HMGCS1: variants seen among roughly 807,000 people sequenced by gnomAD.
HMGCS1 encodes hydroxymethylglutaryl-CoA synthase, cytoplasmic.
Under a neutral mutation model 52.3 loss-of-function variants are expected in HMGCS1, and 9 were observed. That is an observed-to-expected ratio of 0.17 (90% CI 0.10 to 0.30). HMGCS1 has a LOEUF of 0.30. Ranked by LOEUF, HMGCS1 falls within the 10% of genes least tolerant of loss-of-function variation. HMGCS1 has a pLI of 1.00. For synonymous variants in HMGCS1, 176 were observed against 214.4 expected (o/e 0.82, Z 1.57); for missense variants, 320 against 620.9 (o/e 0.52, Z 5.15).
intron 1 of HMGCS1, among the ~76,000 whole-genome samples, chr5:43,309,782 A>C (rs150621443): frequency 3.1e-3 from 468 of 152,370 alleles, no homozygotes; most frequent in Middle Eastern, 0.01. Flanking sequence ...ATGAATGGCA[A>C]GTAGCCAGGC....
At chr5:43,306,353 CTAACCT>C (rs1754576398) in intron 2 of HMGCS1, among the ~76,000 whole-genome samples, 1 of 152,188 alleles carries the variant, frequency 6.6e-6, no homozygotes. Flanking sequence ...AAGGGAAGTC[CTAACCT>C]AGCTCCTCAA....
At chr5:43,292,383 T>C (rs1753818696) in intron 10 of HMGCS1, 91 bp downstream of exon 10, 1 of 1,045,192 alleles carries the variant, frequency 9.6e-7, no homozygotes, top group Non-Finnish European at 1.4e-6. Flanking sequence ...CCAGAGCCCT[T>C]ACTCTTCTTT....
chr5:43,306,063 C>T lies in HMGCS1; in HGVS notation c.-11+1703G>A, dbSNP rs144793791. Among the ~76,000 whole-genome samples the T allele has an allele frequency of 2.3e-3, 355 of 152,174 alleles. 3 individuals are homozygous for T. The Middle Eastern group carries it at 0.038, about 16-fold the overall frequency. ...GCAACTTTCAGAGAACTTTGTAAAC[C>T]TTTCAAGTCTTCCAACAAAGTAGTA... On this transcript the variant is annotated intron_variant, in intron 2 of 10. Coordinates refer to ENST00000325110, the MANE Select transcript of HMGCS1 (RefSeq NM_001098272.3).
In HMGCS1 at chr5:43,307,778, T is replaced by C. The variant is rs1754652483; in HGVS notation, c.-23A>G. 3 of 152,358 alleles carry C rather than the reference T, an allele frequency of 2.0e-5. No individual in the cohort carries two copies. Among genetic ancestry groups the C allele is most frequent in the East Asian group, 3.9e-4 (2 of 5,180 alleles). 9.4% of individuals were successfully genotyped at this position (152,358 alleles called of 1,614,324 possible). On this transcript the variant is annotated 5_prime_UTR_variant, in exon 2 of 11. Transcript: ENST00000325110. The stretch of plus-strand genomic sequence containing the variant: ...CAGGATGTCATACCTGTGTGAAGGA[T>C]AGAGAACTGCAGTCTCCAGGTCTGT...
intron 4 of HMGCS1, among the ~76,000 whole-genome samples, chr5:43,297,402 C>G (rs1205144328): frequency 3.3e-5 from 5 of 152,334 alleles, no homozygotes; most frequent in African/African-American, 9.6e-5. Flanking sequence ...ATAACTCTAA[C>G]AGTTCACAGT....
chr5:43,304,435 C>G (rs1355060496), intron 2 of HMGCS1, among the ~76,000 whole-genome samples: 1 of 152,208 alleles, frequency 6.6e-6, no homozygotes, highest in Non-Finnish European at 1.5e-5. Flanking sequence ...AATAAATTCA[C>G]TTTAGTCTTT....
intron 1 of HMGCS1, among the ~76,000 whole-genome samples, chr5:43,309,912 T>A (rs925292116): frequency 6.6e-6 from 1 of 152,212 alleles, no homozygotes; most frequent in Non-Finnish European, 1.5e-5. Context: ...TATGCAATGG[T>A]AGTTTCTTCT....
intron 2 of HMGCS1, among the ~76,000 whole-genome samples, chr5:43,305,528 G>C (rs1158609346): frequency 6.6e-6 from 1 of 151,940 alleles, no homozygotes; most frequent in Admixed American, 6.5e-5. Flanking sequence ...CCAGCACTTT[G>C]GGAGGCCGAG....
At position 43,298,373 on chromosome 5, in the gene HMGCS1, A is replaced by T. The variant is rs1282385076; in HGVS notation, c.448+145T>A. On this transcript the variant is annotated intron_variant, in intron 3 of 10. Transcript: ENST00000325110. This position sits in a 1 kb window ranked among gnomAD's most constrained non-coding sequence, Gnocchi z 5.6. ...ACCAATTCACAATTCGGATAATGAC[A>T]GACAGGTAAAATATCTTTCTTAATA... 1 of 684,458 alleles carries T rather than the reference A, an allele frequency of 1.5e-6. No individual in the cohort carries two copies. Among genetic ancestry groups the T allele is most frequent in the Non-Finnish European group, 2.4e-6 (1 of 411,632 alleles). The allele number at this position is 684,458 out of a possible 1,614,324, so 42.4% of individuals were successfully genotyped here.
At chr5:43,305,840 T>G (rs1754546139) in intron 2 of HMGCS1, among the ~76,000 whole-genome samples, 1 of 151,118 alleles carries the variant, frequency 6.6e-6, no homozygotes, top group South Asian at 2.1e-4. Flanking sequence ...ACAAAAACTT[T>G]CAAGTAGAAC....
intron 2 of HMGCS1, 132 bp from the exon 3 acceptor site, chr5:43,299,107 A>T (rs1482828689): frequency 1.6e-6 from 1 of 632,800 alleles, no homozygotes; most frequent in Non-Finnish European, 2.7e-6. Flanking sequence ...TTTAGTATTT[A>T]GGGCACTCAA....
intron 2 of HMGCS1, among the ~76,000 whole-genome samples, chr5:43,305,781 CAA>C (rs58264994): frequency 2.1e-3 from 179 of 86,790 alleles, no homozygotes; most frequent in Middle Eastern, 4.9e-3. Context: ...GACTCCGTCT[CAA>C]AAAAAAAAAA....
In HMGCS1 at chr5:43,288,025, T is replaced by G. The variant is rs1753573962; in HGVS notation, c.*3106A>C. The G allele has an allele frequency of 6.6e-6, 1 of 152,224 alleles. No homozygotes were observed. Among genetic ancestry groups the G allele is most frequent in the South Asian group, 2.1e-4 (1 of 4,834 alleles). The allele number at this position is 152,224 out of a possible 1,614,324, so 9.4% of individuals were successfully genotyped here. A position where few individuals can be genotyped will look rare whatever the true frequency, so the allele number is the denominator to read the frequency against. ...AGAGTGGGTGAAGACATACTAAGCC[T>G]TGGTGAGTATGGTACTGAGTTGAAG... On this transcript the variant is annotated 3_prime_UTR_variant, in exon 11 of 11. Coordinates refer to ENST00000325110, the MANE Select transcript of HMGCS1 (RefSeq NM_001098272.3).
chr5:43,310,511 G>C (rs966972899), intron 1 of HMGCS1, among the ~76,000 whole-genome samples: 8 of 152,026 alleles, frequency 5.3e-5, no homozygotes, highest in East Asian at 1.9e-4. Context: ...TGAAGTAAAG[G>C]GTACTCAAAT....
At chr5:43,305,892 A>G (rs975557465) in intron 2 of HMGCS1, among the ~76,000 whole-genome samples, 2 of 151,658 alleles carry the variant, frequency 1.3e-5, no homozygotes, top group African/African-American at 4.8e-5. Flanking sequence ...TACGTTTTTA[A>G]TTTTTTACAG....
At chr5:43,309,183 T>A (rs1031790460) in intron 1 of HMGCS1, among the ~76,000 whole-genome samples, 3 of 152,074 alleles carry the variant, frequency 2.0e-5, no homozygotes, top group African/African-American at 7.2e-5. Flanking sequence ...ATCAAGGAAA[T>A]TTTCCTTGAA....
chr5:43,292,701 T>C, intron 9 of HMGCS1, 64 bp from the exon 10 acceptor site: 1 of 1,532,678 alleles, frequency 6.5e-7, no homozygotes, highest in African/African-American at 1.4e-5. Context: ...GTAATAAAGC[T>C]AAAGATAAGT....
chr5:43,305,181 T>C (rs899668543), intron 2 of HMGCS1, among the ~76,000 whole-genome samples: 1 of 152,118 alleles, frequency 6.6e-6, no homozygotes, highest in African/African-American at 2.4e-5. Flanking sequence ...AGATGGGGTT[T>C]GACCATGTTG....
At chr5:43,308,226 T>A (rs1754674496) in intron 1 of HMGCS1, among the ~76,000 whole-genome samples, 1 of 152,216 alleles carries the variant, frequency 6.6e-6, no homozygotes, top group African/African-American at 2.4e-5. Flanking sequence ...ATATATGCAG[T>A]CAAGAGCCTG....
Sources: allele counts gnomAD v4.1 joint callset (sites outside exome capture counted in the v4.1 genomes callset), GRCh38; gene constraint gnomAD v4.1.1; non-coding constraint Gnocchi (gnomAD v3.1); transcripts MANE v1.5; gene names NCBI Gene and HGNC (gene_info 2026-07-23, HGNC 2026-07-21).